STAG1: variants seen among roughly 807,000 people sequenced by gnomAD.
The protein encoded by STAG1 is STAG1 cohesin complex component.
Under a neutral mutation model 170.9 loss-of-function variants are expected in STAG1, and 26 were observed. That is an observed-to-expected ratio of 0.15 (90% CI 0.11 to 0.21). The LOEUF (loss-of-function observed/expected upper bound fraction) is 0.21. STAG1 is among the 10% of genes least tolerant of loss of function. The pLI, the probability that STAG1 is intolerant of heterozygous loss-of-function variation, is 1.00. For missense variants in STAG1, 964 were observed against 1,509.5 expected, an observed-to-expected ratio of 0.64 and a Z score of 5.99; for synonymous variants, 514 against 497.7, an observed-to-expected ratio of 1.03 and a Z score of -0.44.
intron 1 of STAG1, among the ~76,000 whole-genome samples, chr3:136,674,728 C>T (rs959787857): frequency 2.6e-5 from 4 of 152,160 alleles, no homozygotes; most frequent in African/African-American, 9.7e-5. Context: ...TATGTCAAAA[C>T]TTAACAAATT....
chr3:136,416,619 T>C (rs1045622768), intron 21 of STAG1, among the ~76,000 whole-genome samples: 2 of 152,116 alleles, frequency 1.3e-5, no homozygotes, highest in Non-Finnish European at 2.9e-5. Context: ...AAAATATGAG[T>C]GAATTTTATT....
chr3:136,734,523 A>G (rs994274029), intron 1 of STAG1, among the ~76,000 whole-genome samples: 1 of 152,192 alleles, frequency 6.6e-6, no homozygotes, highest in Non-Finnish European at 1.5e-5. Context: ...CTCCCCTGAA[A>G]AACTCTTCTG....
chr3:136,346,917 G>T (rs555282560), intron 29 of STAG1, among the ~76,000 whole-genome samples: 75 of 152,094 alleles, frequency 4.9e-4, no homozygotes, highest in Non-Finnish European at 3.2e-4. Flanking sequence ...TGGGCAACAA[G>T]GTGAAACCCT....
chr3:136,689,622 T>C (rs971991521), intron 1 of STAG1, among the ~76,000 whole-genome samples: 1 of 152,236 alleles, frequency 6.6e-6, no homozygotes, highest in African/African-American at 2.4e-5. Flanking sequence ...TGTACACCTC[T>C]GGCTGATCGC....
At chr3:136,698,594 T>TA (rs1417547566) in intron 1 of STAG1, among the ~76,000 whole-genome samples, 1 of 152,148 alleles carries the variant, frequency 6.6e-6, no homozygotes, top group East Asian at 1.9e-4. Context: ...GGAGATTACT[T>TA]AAACAAAAGT....
intron 4 of STAG1, among the ~76,000 whole-genome samples, chr3:136,575,199 C>T (rs1937409607): frequency 6.6e-6 from 1 of 152,042 alleles, no homozygotes; most frequent in South Asian, 2.1e-4. Context: ...AAATCAATGA[C>T]CTAAGAATCT....
At chr3:136,381,187 C>T (rs1168247443) in intron 22 of STAG1, among the ~76,000 whole-genome samples, 1 of 151,676 alleles carries the variant, frequency 6.6e-6, no homozygotes, top group Non-Finnish European at 1.5e-5. Flanking sequence ...AAGAAGTAAA[C>T]AAGGATTTGG....
intron 4 of STAG1, among the ~76,000 whole-genome samples, chr3:136,582,011 A>C (rs1028827068): frequency 6.6e-6 from 1 of 152,240 alleles, no homozygotes; most frequent in Non-Finnish European, 1.5e-5. Flanking sequence ...ATATGAGTTA[A>C]ATAAAAAAGT....
chr3:136,473,971 C>T (rs2089684958), intron 10 of STAG1, among the ~76,000 whole-genome samples: 1 of 152,028 alleles, frequency 6.6e-6, no homozygotes, highest in Non-Finnish European at 1.5e-5. Context: ...TTTATTTGTC[C>T]TTTATGTAAT....
chr3:136,576,639 G>A (rs1937467013), intron 4 of STAG1, among the ~76,000 whole-genome samples: 1 of 152,082 alleles, frequency 6.6e-6, no homozygotes, highest in Non-Finnish European at 1.5e-5. Context: ...GCTACAAAGA[G>A]GAAATATAAA....
At chr3:136,528,894 C>T (rs982631182) in intron 6 of STAG1, among the ~76,000 whole-genome samples, 2 of 151,794 alleles carry the variant, frequency 1.3e-5, no homozygotes, top group African/African-American at 2.4e-5. Context: ...CATGCCACTG[C>T]ACTCCAGTCT....
intron 15 of STAG1, among the ~76,000 whole-genome samples, chr3:136,438,812 G>A (rs2088538634): frequency 6.6e-6 from 1 of 151,848 alleles, no homozygotes; most frequent in African/African-American, 2.4e-5. Flanking sequence ...AATAATTCCT[G>A]CTTTTAAGAA....
chr3:136,360,677 CT>C (rs199541017), intron 26 of STAG1, among the ~76,000 whole-genome samples: 7 of 151,420 alleles, frequency 4.6e-5, no homozygotes, highest in South Asian at 2.1e-4. Flanking sequence ...TTTATAAATT[CT>C]TTTTTTTTCC....
chr3:136,633,006 G>A (rs139896437), intron 1 of STAG1, among the ~76,000 whole-genome samples: 95 of 152,156 alleles, frequency 6.2e-4, no homozygotes, highest in African/African-American at 2.2e-3. Flanking sequence ...CTTGGCAAAA[G>A]TAGTTGGGGG....
At chr3:136,710,968 C>A (rs1251273442) in intron 1 of STAG1, among the ~76,000 whole-genome samples, 1 of 151,060 alleles carries the variant, frequency 6.6e-6, no homozygotes, top group East Asian at 1.9e-4. Flanking sequence ...TGACTTAAAC[C>A]TATTATAGAA....
Position 136,358,428 on chromosome 3 carries a change from A to T in STAG1, c.2937-580T>A, listed in dbSNP as rs190128774. 2.6e-5 allele frequency among the ~76,000 whole-genome samples: 4 copies of T among 152,280 alleles called. No individual in the cohort carries two copies. In the East Asian group the frequency reaches 7.7e-4, roughly 29 times the overall value. On this transcript the variant is annotated intron_variant, in intron 27 of 33. Transcript: ENST00000383202. Reference sequence around the variant, plus strand: ...AGAGGTAAGAAGATACCCTGGACAGAGAATTATTAATACATTGCCAGAATA... The same window carrying T: ...AGAGGTAAGAAGATACCCTGGACAGTGAATTATTAATACATTGCCAGAATA...
At chr3:136,497,103 A>C (rs1933149311) in intron 9 of STAG1, among the ~76,000 whole-genome samples, 1 of 152,192 alleles carries the variant, frequency 6.6e-6, no homozygotes, top group South Asian at 2.1e-4. Context: ...GAAAATTCAT[A>C]CTTAAAAACC....
intron 22 of STAG1, among the ~76,000 whole-genome samples, chr3:136,393,453 G>C (rs1405982441): frequency 6.6e-6 from 1 of 152,140 alleles, no homozygotes; most frequent in Non-Finnish European, 1.5e-5. Context: ...CTTGCAGTGA[G>C]CTGAGATCAT....
At chr3:136,505,741 T>C (rs565486117) in intron 7 of STAG1, among the ~76,000 whole-genome samples, 12 of 152,268 alleles carry the variant, frequency 7.9e-5, no homozygotes, top group South Asian at 2.1e-4. Context: ...ATAGGTAATA[T>C]GCAAATGAAA....
Sources: allele counts gnomAD v4.1 joint callset (sites outside exome capture counted in the v4.1 genomes callset), GRCh38; gene constraint gnomAD v4.1.1; transcripts MANE v1.5; gene names NCBI Gene and HGNC (gene_info 2026-07-23, HGNC 2026-07-21).